The following RAD23B variants were observed in gnomAD, a reference collection of about 807,000 sequenced individuals.
RAD23B encodes lysine-specific demethylase RAD23B.
RAD23B carries 5 observed loss-of-function variants against 49.1 expected under a neutral mutation model. The ratio of observed to expected loss-of-function variants is 0.10; its 90% CI spans 0.05 to 0.21. RAD23B has a LOEUF of 0.21. Ranked by LOEUF, RAD23B falls within the 10% of genes least tolerant of loss-of-function variation. The pLI, the probability that RAD23B is intolerant of heterozygous loss-of-function variation, is 1.00. For missense variants in RAD23B, 356 were observed against 486.7 expected, an observed-to-expected ratio of 0.73 and a Z score of 2.53; for synonymous variants, 184 against 165.4, an observed-to-expected ratio of 1.11 and a Z score of -0.86.
chr9:107,301,402 G>A (rs1301150800), intron 2 of RAD23B, among the ~76,000 whole-genome samples: 1 of 152,094 alleles, frequency 6.6e-6, no homozygotes, highest in Non-Finnish European at 1.5e-5. Flanking sequence ...TTATCTTCAT[G>A]ATCTCCTCCT....
At chr9:107,283,951 C>A in intron 1 of RAD23B, 2 of 1,118,232 alleles carry the variant, frequency 1.8e-6, no homozygotes, top group Non-Finnish European at 2.2e-6. Context: ...AGCGCACGCC[C>A]GCGGGCCTGG....
intron 1 of RAD23B, among the ~76,000 whole-genome samples, chr9:107,297,954 A>G (rs953975944): frequency 6.6e-6 from 1 of 151,856 alleles, no homozygotes; most frequent in Non-Finnish European, 1.5e-5. Context: ...TGCTCTGTTC[A>G]TTTATTCATC....
In RAD23B at chr9:107,324,029, G is replaced by T; in HGVS notation, c.945+12G>T. 2 of 1,612,326 alleles carry T rather than the reference G, an allele frequency of 1.2e-6. No individual in the cohort carries two copies. The highest frequency in any genetic ancestry group is 1.7e-4 in the Middle Eastern group (1 of 6,050). Reference sequence around the variant, plus strand: ...CTCAATTACTTCAGGTGACTAATCAGTGTCAGTTTCACAAGTGATTTAGAG... The same window carrying T: ...CTCAATTACTTCAGGTGACTAATCATTGTCAGTTTCACAAGTGATTTAGAG... On this transcript the variant is annotated intron_variant, in intron 8 of 9. Transcript: ENST00000358015.
chr9:107,296,491 T>A (rs1401939150), intron 1 of RAD23B, among the ~76,000 whole-genome samples: 1 of 152,228 alleles, frequency 6.6e-6, no homozygotes, highest in African/African-American at 2.4e-5. Flanking sequence ...GACTGTGTAA[T>A]TGTGAATTGC....
At chr9:107,284,475 C>T (rs1833232762) in intron 1 of RAD23B, among the ~76,000 whole-genome samples, 1 of 149,906 alleles carries the variant, frequency 6.7e-6, no homozygotes, top group Admixed American at 6.6e-5. Context: ...AGTAGCAGTT[C>T]AAGGGGGAAA....
intron 6 of RAD23B, among the ~76,000 whole-genome samples, 184 bp from the exon 7 acceptor site, chr9:107,321,799 A>C (rs1587862927): frequency 6.6e-6 from 1 of 152,336 alleles, no homozygotes; most frequent in Non-Finnish European, 1.5e-5. Context: ...TAATGCACCC[A>C]GGTCATTTCT....
intron 1 of RAD23B, among the ~76,000 whole-genome samples, chr9:107,299,677 G>C (rs1011210301): frequency 6.6e-6 from 1 of 152,104 alleles, no homozygotes; most frequent in African/African-American, 2.4e-5. Flanking sequence ...AAGTCCCCCT[G>C]GTGATTGTAA....
chr9:107,319,400 G>T (rs1379488008), intron 6 of RAD23B, among the ~76,000 whole-genome samples: 6 of 152,182 alleles, frequency 3.9e-5, no homozygotes, highest in Non-Finnish European at 8.8e-5. Flanking sequence ...AAAGTGCTGG[G>T]ATTACAGGTG....
intron 1 of RAD23B, chr9:107,284,040 G>T: frequency 9.6e-7 from 1 of 1,043,700 alleles, no homozygotes; most frequent in Non-Finnish European, 1.1e-6. Flanking sequence ...TGGCTTTCTG[G>T]TATGGGTGCA....
At position 107,323,877 on chromosome 9, in the gene RAD23B, A is replaced by G; in HGVS notation, c.818-13A>G. On this transcript the variant is annotated splice_polypyrimidine_tract_variant and intron_variant, in intron 7 of 9. Transcript: ENST00000358015. ...TTACTGCTTTTGTTTAGAAATGTTT[A>G]TGTGTATTTTAGGACATCCCCTTGA... 6.3e-7 allele frequency: 1 copy of G among 1,595,884 alleles called. No individual in the cohort carries two copies. Among genetic ancestry groups the G allele is most frequent in the East Asian group, 2.2e-5 (1 of 44,722 alleles).
Position 107,324,832 on chromosome 9 carries a change from A to G in RAD23B, c.946-2A>G, listed in dbSNP as rs1827173032. ...TTTTCTCTGTCCTTCATATCACCAC[A>G]GCAAATTAGCCAACACCAGGAGCAT... On this transcript the variant is annotated splice_acceptor_variant, in intron 8 of 9. Coordinates refer to ENST00000358015, the MANE Select transcript of RAD23B (RefSeq NM_002874.5). LOFTEE classifies it high-confidence loss of function. 1 of 1,600,536 alleles carries G rather than the reference A, an allele frequency of 6.2e-7. No individual in the cohort carries two copies.
chr9:107,294,154 A>G (rs1012554633), intron 1 of RAD23B, among the ~76,000 whole-genome samples: 10 of 152,150 alleles, frequency 6.6e-5, no homozygotes, highest in Admixed American at 2.0e-4. Flanking sequence ...TTTTAAATAC[A>G]CTTTATGATT....
intron 6 of RAD23B, among the ~76,000 whole-genome samples, chr9:107,321,348 A>G (rs1451498839): frequency 6.6e-6 from 1 of 152,172 alleles, no homozygotes; most frequent in African/African-American, 2.4e-5. Flanking sequence ...CCTCAAATTT[A>G]TGAGATACTT....
chr9:107,327,208 C>T (rs1827223774), intron 9 of RAD23B, among the ~76,000 whole-genome samples: 1 of 151,922 alleles, frequency 6.6e-6, no homozygotes, highest in African/African-American at 2.4e-5. Context: ...ACAAAAATAA[C>T]TTTGGGTTTT....
chr9:107,325,477 C>T (rs1261517960), intron 9 of RAD23B, among the ~76,000 whole-genome samples: 4 of 151,926 alleles, frequency 2.6e-5, no homozygotes, highest in East Asian at 1.9e-4. Context: ...AAAATTATTT[C>T]GAAGTATTTT....
Position 107,306,655 on chromosome 9 carries a change from C to T in RAD23B, c.497+8C>T, listed in dbSNP as rs771296451. The T allele has an allele frequency of 6.2e-7, 1 of 1,609,442 alleles. No individual in the cohort carries two copies. Among genetic ancestry groups the T allele is most frequent in the South Asian group, 1.1e-5 (1 of 90,728 alleles). On this transcript the variant is annotated splice_region_variant and intron_variant, in intron 4 of 9. Transcript: ENST00000358015. ...CCCAACAGCAACTGACAGGTAGGAA[C>T]TGGATTCTAGGACATTCTATCTCAA...
chr9:107,306,524 C>G lies in RAD23B; in HGVS notation c.374C>G (p.Ser125Cys). The G allele has an allele frequency of 1.9e-6, 3 of 1,614,136 alleles. No homozygotes were observed. The South Asian group carries it at 3.3e-5, about 18-fold the overall frequency. ...PALAPTSTPA[S>C]ITPASATASS... The stretch of plus-strand genomic sequence containing the variant: ...TTGGCCCCCACTTCCACACCTGCAT[C>G]CATCACTCCAGCATCAGCGACAGCA... The change falls in exon 4 of 10, where the codon TCC (serine) becomes TGC (cysteine). Residue 125 changes from serine (S) to cysteine (C), a missense_variant. Physicochemically the swap from Ser to Cys is moderately radical, Grantham distance 112. This residue lies in a region of RAD23B where 137 missense variants were observed against 122.0 expected (regional missense o/e 1.12). Transcript: ENST00000358015.
chr9:107,324,696 A>G, intron 8 of RAD23B, 138 bp from the exon 9 acceptor site: 1 of 848,950 alleles, frequency 1.2e-6, no homozygotes, highest in East Asian at 3.1e-5. Flanking sequence ...CATCCTTCCA[A>G]AGACTGAATA....
At chr9:107,328,463 G>A (rs896672585) in intron 9 of RAD23B, among the ~76,000 whole-genome samples, 1 of 152,142 alleles carries the variant, frequency 6.6e-6, no homozygotes, top group East Asian at 1.9e-4. Context: ...ACATCATCAG[G>A]CATTTGTTAG....
Sources: allele counts gnomAD v4.1 joint callset (sites outside exome capture counted in the v4.1 genomes callset), GRCh38; gene constraint gnomAD v4.1.1; regional missense constraint gnomAD v4.1.1; transcripts MANE v1.5; gene names NCBI Gene and HGNC (gene_info 2026-07-23, HGNC 2026-07-21).